GANC: variants seen among roughly 807,000 people sequenced by gnomAD.
The protein encoded by GANC is neutral alpha-glucosidase C.
In GANC, 117 loss-of-function variants were observed where a neutral mutation model predicts 124.2. The observed-to-expected ratio is 0.94, with a 90% CI of 0.81 to 1.10. The LOEUF (loss-of-function observed/expected upper bound fraction) is 1.10. GANC is among the 50% of genes least tolerant of loss of function. The pLI is 0.00. For missense variants in GANC, 1,140 were observed against 1,095.0 expected (o/e 1.04, Z -0.58); for synonymous variants, 377 against 376.8 (o/e 1.00, Z -0.01).
chr15:42,353,317 G>T lies in GANC; in HGVS notation c.*1178G>T. 1.2e-5 allele frequency: 12 copies of T among 986,220 alleles called. No individual in the cohort carries two copies. Among genetic ancestry groups the T allele is most frequent in the Non-Finnish European group, 1.4e-5 (12 of 830,234 alleles). The allele number at this position is 986,220 out of a possible 1,614,324, so 61.1% of individuals were successfully genotyped here. ...GCCACCTCTGTGCCTTCTGATCCCT[G>T]GGCGCCAATATCCTCCTGCCCTTAC... On this transcript the variant is annotated 3_prime_UTR_variant, in exon 24 of 24. Coordinates refer to ENST00000318010, the MANE Select transcript of GANC (RefSeq NM_198141.3).
At position 42,352,107 on chromosome 15, in the gene GANC, A is replaced by G. The variant is rs781304906; in HGVS notation, c.2713A>G (p.Ile905Val). 3 of 1,614,144 alleles carry G rather than the reference A, an allele frequency of 1.9e-6. No individual in the cohort carries two copies. Among genetic ancestry groups the G allele is most frequent in the Non-Finnish European group, 1.7e-6 (2 of 1,180,008 alleles). Reference protein sequence around the residue: ...ILSLEKLSLNIATDWEVRII With the variant: ...ILSLEKLSLNVATDWEVRII ...GAGCCTGGAGAAGCTCTCACTCAAC[A>G]TTGCCACTGACTGGGAGGTCCGCAT... The change falls in exon 24 of 24, where the codon ATT becomes GTT. Residue 905 changes from isoleucine (I) to valine (V), a missense_variant. Ile to Val is a conservative substitution (Grantham distance 29). Coordinates refer to ENST00000318010, the MANE Select transcript of GANC (RefSeq NM_198141.3).
intron 14 of GANC, among the ~76,000 whole-genome samples, chr15:42,330,057 C>G (rs1312104636): frequency 6.6e-6 from 1 of 152,154 alleles, no homozygotes; most frequent in Non-Finnish European, 1.5e-5. Flanking sequence ...GACTGTATTC[C>G]TGTGGCCCTC....
At chr15:42,334,869 G>T (rs1405798383) in intron 15 of GANC, among the ~76,000 whole-genome samples, 1 of 152,134 alleles carries the variant, frequency 6.6e-6, no homozygotes, top group Non-Finnish European at 1.5e-5. Flanking sequence ...AAATGTAGGA[G>T]AAATGGATAA....
At chr15:42,284,144 A>G (rs2141019674) in intron 3 of GANC, 2 of 609,824 alleles carry the variant, frequency 3.3e-6, no homozygotes, top group Non-Finnish European at 5.8e-6. Flanking sequence ...AGCAAGATCA[A>G]CCTACCAAGG....
intron 18 of GANC, among the ~76,000 whole-genome samples, chr15:42,341,560 G>C (rs2052329441): frequency 6.7e-6 from 1 of 149,586 alleles, no homozygotes; most frequent in Admixed American, 6.6e-5. Context: ...TCTCATTTCT[G>C]AGTTCTATTT....
Position 42,339,741 on chromosome 15 carries a change from A to G in GANC, c.1916A>G (p.Gln639Arg). ...LVRWYQAGAY[Q>R]PFFRGHATMN... ...CGTTGGTACCAGGCTGGAGCCTACC[A>G]GCCCTTCTTCCGTGGCCATGCCACC... Residue 639 changes from glutamine (Q) to arginine (R), a missense_variant, in exon 17 of 24, where the codon CAG becomes CGG. Transcript: ENST00000318010. 1.9e-6 allele frequency: 3 copies of G among 1,614,170 alleles called. No individual in the cohort carries two copies. In the South Asian group the frequency reaches 3.3e-5, roughly 18 times the overall value.
chr15:42,295,410 T>C (rs1408854633), intron 5 of GANC, among the ~76,000 whole-genome samples: 1 of 152,086 alleles, frequency 6.6e-6, no homozygotes, highest in East Asian at 1.9e-4. Flanking sequence ...AAATTTTAAG[T>C]TAGATTTTAA....
rs758002876 is a variant in GANC, at chr15:42,349,406, T to G, written c.2442T>G (p.Tyr814Ter). 8.7e-6 allele frequency: 14 copies of G among 1,612,562 alleles called. No homozygotes were observed. The Middle Eastern group carries it at 1.7e-3, about 190-fold the overall frequency. Residue 814 changes from tyrosine (Y) to a stop codon, truncating the protein, a stop_gained, in exon 22 of 24, where the codon TAT becomes TAG. Coordinates refer to ENST00000318010, the MANE Select transcript of GANC (RefSeq NM_198141.3). LOFTEE classifies it high-confidence loss of function. Reference sequence around the variant, plus strand: ...AGGGTTCTTCAGTGGGTGAGTTATATCTTGATGATGGCCATTCATTCCAAT... The same window carrying G: ...AGGGTTCTTCAGTGGGTGAGTTATAGCTTGATGATGGCCATTCATTCCAAT... ...STKGSSVGEL[Y>*]LDDGHSFQYL... is the part of the protein sequence containing the mutation.
intron 6 of GANC, among the ~76,000 whole-genome samples, chr15:42,304,495 C>A (rs2051975095): frequency 6.6e-6 from 1 of 152,200 alleles, no homozygotes. Context: ...ACATTCCATG[C>A]TCATGGATAG....
intron 3 of GANC, 106 bp from the exon 4 acceptor site, chr15:42,287,585 G>C: frequency 1.7e-6 from 2 of 1,181,410 alleles, no homozygotes; most frequent in East Asian, 5.3e-5. Flanking sequence ...CAATTTGCTT[G>C]GCCTATCATA....
intron 7 of GANC, 120 bp downstream of exon 7, chr15:42,306,732 A>G: frequency 1.6e-6 from 1 of 637,762 alleles, no homozygotes; most frequent in South Asian, 2.3e-5. Context: ...AAGAACAGAA[A>G]TCCCAGATCA....
chr15:42,343,879 A>G (rs927710438), intron 19 of GANC, among the ~76,000 whole-genome samples: 1 of 152,066 alleles, frequency 6.6e-6, no homozygotes, highest in African/African-American at 2.4e-5. Context: ...TGGAAGGGAG[A>G]GCAGGAAGGA....
At chr15:42,326,723 G>C (rs959627868) in intron 12 of GANC, among the ~76,000 whole-genome samples, 1 of 152,164 alleles carries the variant, frequency 6.6e-6, no homozygotes, top group Non-Finnish European at 1.5e-5. Flanking sequence ...AATAAGAAAA[G>C]CAGAGGAGGA....
At chr15:42,337,736 C>T (rs1041756473) in intron 15 of GANC, among the ~76,000 whole-genome samples, 1 of 152,070 alleles carries the variant, frequency 6.6e-6, no homozygotes, top group African/African-American at 2.4e-5. Flanking sequence ...TTTAAATGAG[C>T]AAAAGATTTC....
At chr15:42,276,966 TATTCCATG>T (rs2051677601) in intron 2 of GANC, among the ~76,000 whole-genome samples, 1 of 152,198 alleles carries the variant, frequency 6.6e-6, no homozygotes, top group Admixed American at 6.5e-5. Flanking sequence ...AGCTGCATAA[TATTCCATG>T]GGGTAGATAT....
At chr15:42,326,912 A>G (rs1158069437) in intron 12 of GANC, among the ~76,000 whole-genome samples, 1 of 152,210 alleles carries the variant, frequency 6.6e-6, no homozygotes, top group Non-Finnish European at 1.5e-5. Flanking sequence ...AAACTCCCCA[A>G]GGACAAAAGG....
intron 18 of GANC, 89 bp from the exon 19 acceptor site, chr15:42,342,989 A>G: frequency 9.3e-7 from 1 of 1,079,960 alleles, no homozygotes; most frequent in South Asian, 1.3e-5. Context: ...GGTCTGTAAC[A>G]CCATGATAGC....
rs1479069195 is a variant in GANC at position 42,339,861 on chromosome 15, A to G, written c.2036A>G (p.Tyr679Cys). The change falls in exon 17 of 24, where the codon TAT becomes TGT. Residue 679 changes from tyrosine to cysteine, a missense_variant. Coordinates refer to ENST00000318010, the MANE Select transcript of GANC (RefSeq NM_198141.3). The stretch of plus-strand genomic sequence containing the variant: ...AGAGAGCGCTATGGCCTCCTGCCAT[A>G]TTGGTATTCTCTGTTCTACCATGCA... ...AIRERYGLLP[Y>C]WYSLFYHAHV... The G allele has an allele frequency of 2.5e-6, 4 of 1,614,016 alleles. No individual in the cohort carries two copies. The highest frequency in any genetic ancestry group is 3.4e-6 in the Non-Finnish European group (4 of 1,180,016).
Position 42,276,487 on chromosome 15 carries a change from G to A in GANC, c.92+77G>A. 3 of 695,660 alleles carry A rather than the reference G, an allele frequency of 4.3e-6. No individual in the cohort carries two copies. The Admixed American group carries it at 7.6e-5, about 18-fold the overall frequency. The allele number at this position is 695,660 out of a possible 1,614,324, so 43.1% of individuals were successfully genotyped here. A position where few individuals can be genotyped will look rare whatever the true frequency, so the allele number is the denominator to read the frequency against. On this transcript the variant is annotated intron_variant, in intron 2 of 23. Coordinates refer to ENST00000318010, the MANE Select transcript of GANC (RefSeq NM_198141.3). Reference sequence around the variant, plus strand: ...AAAATTGATGCTTATTAAATTTTTGGAACTGATAGACTTTCCAAGGAAAGG... The same window carrying A: ...AAAATTGATGCTTATTAAATTTTTGAAACTGATAGACTTTCCAAGGAAAGG...
Sources: gnomAD v4.1 joint callset for allele counts (sites outside exome capture counted in the v4.1 genomes callset) on GRCh38, gnomAD v4.1.1 for gene constraint, MANE v1.5 for transcripts, NCBI Gene and HGNC (gene_info 2026-07-23, HGNC 2026-07-21) for gene names.